The following VDR variants were observed in gnomAD, a reference collection of about 807,000 sequenced individuals.
The protein encoded by VDR is vitamin D receptor, also known as vitamin D3 receptor.
A neutral mutation model predicts 39.7 loss-of-function variants in VDR; 19 were observed. The observed-to-expected ratio is 0.48, with a 90% CI of 0.33 to 0.70. The LOEUF is 0.70. Ranked by LOEUF, VDR falls within the 30% of genes least tolerant of loss-of-function variation. The pLI is 0.02. For synonymous variants in VDR, 242 were observed against 215.8 expected (o/e 1.12, Z -1.07); for missense variants, 442 against 570.5 (o/e 0.77, Z 2.29).
intron 1 of VDR, among the ~76,000 whole-genome samples, chr12:47,890,190 C>G (rs1219021042): frequency 3.3e-5 from 5 of 151,758 alleles, no homozygotes; most frequent in Non-Finnish European, 5.9e-5. Context: ...AAACACACAG[C>G]AGGAAGCACT....
At chr12:47,866,264 C>G (rs1201456318) in intron 3 of VDR, among the ~76,000 whole-genome samples, 1 of 151,738 alleles carries the variant, frequency 6.6e-6, no homozygotes, top group Non-Finnish European at 1.5e-5. Flanking sequence ...CCCACCACCG[C>G]ACCCGGCTAA....
intron 3 of VDR, among the ~76,000 whole-genome samples, chr12:47,871,234 C>A (rs999677668): frequency 4.6e-5 from 7 of 152,110 alleles, no homozygotes; most frequent in African/African-American, 1.7e-4. Context: ...AGCCAAAGAC[C>A]GAACCTAAAT....
intron 4 of VDR, among the ~76,000 whole-genome samples, chr12:47,863,271 G>T (rs138495684): frequency 6.6e-6 from 1 of 152,290 alleles, no homozygotes; most frequent in East Asian, 1.9e-4. Flanking sequence ...CCAGACCTGA[G>T]GTCTTTACCT....
chr12:47,844,658 G>A lies in VDR; in HGVS notation c.*88C>T. ...GGGGCTGAACCCCAGACGGGGTGAG[G>A]AGGGCTGCTGAGTAGCCGCCAGCCC... On this transcript the variant is annotated 3_prime_UTR_variant, in exon 10 of 10. Transcript: ENST00000549336. 6.3e-7 allele frequency: 1 copy of A among 1,578,542 alleles called. No homozygotes were observed.
intron 7 of VDR, among the ~76,000 whole-genome samples, chr12:47,854,912 G>T (rs1025190881): frequency 1.3e-5 from 2 of 152,276 alleles, no homozygotes; most frequent in East Asian, 1.9e-4. Context: ...AGCAATGGAG[G>T]CTGGCTGCTG....
At chr12:47,846,941 G>A in intron 7 of VDR, 133 bp from the exon 8 acceptor site, 2 of 1,052,512 alleles carry the variant, frequency 1.9e-6, no homozygotes, top group South Asian at 2.6e-5. Flanking sequence ...CGAGGAGCTT[G>A]CAGGCTGGCT....
In VDR at chr12:47,855,674, G is replaced by A. The variant is rs942955025; in HGVS notation, c.711C>T (p.Ser237=). 1 of 1,614,202 alleles carries A rather than the reference G, an allele frequency of 6.2e-7. No homozygotes were observed. The highest frequency in any genetic ancestry group is 8.5e-7 in the Non-Finnish European group (1 of 1,180,032). Residue 237 remains serine (S), a synonymous_variant, in exon 7 of 10, where the codon AGC becomes AGT. Transcript: ENST00000549336. ...TAGCAAAGCCAATGACCTTTTGGAT[G>A]CTGTAACTGACCAGGTCAGCCAGGT... ...LPHLADLVSY[S]IQKVIGFAKM... is the part of the protein sequence containing the mutation.
chr12:47,850,487 A>C (rs1174478328), intron 7 of VDR, among the ~76,000 whole-genome samples: 1 of 151,696 alleles, frequency 6.6e-6, no homozygotes, highest in Admixed American at 6.6e-5. Flanking sequence ...CACATCTTCC[A>C]TGGATGCAGG....
intron 4 of VDR, among the ~76,000 whole-genome samples, chr12:47,859,906 CTTCCTTCCTTCTTTCTTT>C (rs1565615265): frequency 0.03 from 1,278 of 42,014 alleles, 64 homozygotes; most frequent in African/African-American, 0.045. Flanking sequence ...TCCTTCCTTC[CTTCCTTCCTTCTTTCTTT>C]TTCTTTCTTT....
chr12:47,851,493 A>C (rs1945387012), intron 7 of VDR, among the ~76,000 whole-genome samples: 1 of 152,100 alleles, frequency 6.6e-6, no homozygotes, highest in Admixed American at 6.5e-5. Flanking sequence ...CCCACACAGA[A>C]GTCTCATCCT....
chr12:47,898,321 T>C (rs1318213525), intron 1 of VDR: 1 of 152,190 alleles, frequency 6.6e-6, no homozygotes, highest in African/African-American at 2.4e-5. Flanking sequence ...TAGAAACTCA[T>C]CTAATGCAAC....
intron 3 of VDR, among the ~76,000 whole-genome samples, chr12:47,870,981 G>A (rs1945842229): frequency 1.3e-5 from 2 of 152,304 alleles, no homozygotes; most frequent in African/African-American, 4.8e-5. Context: ...AAATGATGTA[G>A]GGGCCTACAT....
chr12:47,849,802 C>T (rs1945349415), intron 7 of VDR, among the ~76,000 whole-genome samples: 2 of 152,116 alleles, frequency 1.3e-5, no homozygotes, highest in South Asian at 2.1e-4. Flanking sequence ...TGCTCATAAC[C>T]ACACTTCACA....
intron 2 of VDR, among the ~76,000 whole-genome samples, chr12:47,880,585 C>G (rs1946126355): frequency 6.6e-6 from 1 of 152,154 alleles, no homozygotes; most frequent in Non-Finnish European, 1.5e-5. Context: ...AATATGTTAT[C>G]ATCAGTCCCA....
intron 4 of VDR, among the ~76,000 whole-genome samples, chr12:47,859,902 CTTCCTTCCTTCCTTCTTTCTTTTTCT>C (rs1405401125): frequency 0.028 from 1,233 of 44,126 alleles, 60 homozygotes; most frequent in African/African-American, 0.052. Flanking sequence ...TCCTTCCTTC[CTTCCTTCCTTCCTTCTTTCTTTTTCT>C]TTCTTTCTTT....
chr12:47,887,081 G>A (rs945062051), intron 1 of VDR, among the ~76,000 whole-genome samples: 1 of 152,178 alleles, frequency 6.6e-6, no homozygotes, highest in Non-Finnish European at 1.5e-5. Flanking sequence ...GGAGGCCAAA[G>A]TGGGTGGATC....
At chr12:47,868,819 G>T (rs1350988027) in intron 3 of VDR, among the ~76,000 whole-genome samples, 1 of 151,876 alleles carries the variant, frequency 6.6e-6, no homozygotes, top group Non-Finnish European at 1.5e-5. Context: ...GTCACTGAGG[G>T]GCTGCTCTGT....
intron 3 of VDR, among the ~76,000 whole-genome samples, chr12:47,868,492 C>T (rs1028613116): frequency 2.0e-5 from 3 of 152,160 alleles, no homozygotes; most frequent in African/African-American, 7.2e-5. Context: ...AGCCTTTTGC[C>T]GTTCACCTCT....
intron 1 of VDR, among the ~76,000 whole-genome samples, chr12:47,903,652 C>T (rs1592162564): frequency 6.6e-6 from 1 of 152,330 alleles, no homozygotes; most frequent in South Asian, 2.1e-4. Flanking sequence ...TCTTTGCCAA[C>T]ACCATGACTT....
Sources: allele counts gnomAD v4.1 joint callset (sites outside exome capture counted in the v4.1 genomes callset), GRCh38; gene constraint gnomAD v4.1.1; transcripts MANE v1.5; gene names NCBI Gene and HGNC (gene_info 2026-07-23, HGNC 2026-07-21).